The following ABCB4 variants were observed in gnomAD, a reference collection of about 807,000 sequenced individuals.
ABCB4 encodes the protein ATP binding cassette subfamily B member 4.
ABCB4 carries 76 observed loss-of-function variants against 145.7 expected under a neutral mutation model. That is an observed-to-expected ratio of 0.52 (90% CI 0.43 to 0.63). The LOEUF (loss-of-function observed/expected upper bound fraction) is 0.63. Ranked by LOEUF, ABCB4 falls within the 30% of genes least tolerant of loss-of-function variation. The pLI, the probability that ABCB4 is intolerant of heterozygous loss-of-function variation, is 0.00. For missense variants in ABCB4, 1,234 were observed against 1,553.1 expected, an observed-to-expected ratio of 0.79 and a Z score of 3.45; for synonymous variants, 517 against 566.8, an observed-to-expected ratio of 0.91 and a Z score of 1.25.
At chr7:87,405,661 G>A (rs1032930734) in intron 26 of ABCB4, among the ~76,000 whole-genome samples, 27 of 152,030 alleles carry the variant, frequency 1.8e-4, no homozygotes, top group Admixed American at 5.2e-4. Flanking sequence ...TCCTGACCTC[G>A]TAATCCACCC....
chr7:87,387,570 A>G, the ABCB4 span, among the ~76,000 whole-genome samples: 2 of 152,144 alleles, frequency 1.3e-5, no homozygotes, highest in Non-Finnish European at 2.9e-5. Flanking sequence ...TACCAATAAC[A>G]TAAACAATTA....
chr7:87,369,933 A>G, the ABCB4 span, among the ~76,000 whole-genome samples: 1 of 150,898 alleles, frequency 6.6e-6, no homozygotes. Flanking sequence ...AGGGGATTAT[A>G]TAATGATAAC....
In ABCB4 at chr7:87,416,742, C is replaced by T. The variant is rs183989639; in HGVS notation, c.2682+570G>A. ...AAATTGGGATAACAATAGTGCCTGC[C>T]TTATAGGATTATTGTGAAGATGTAA... On this transcript the variant is annotated intron_variant, in intron 21 of 27. Transcript: ENST00000649586. Among the ~76,000 whole-genome samples, 422 of 152,260 alleles carry T rather than the reference C, an allele frequency of 2.8e-3. 2 individuals are homozygous for T. Among genetic ancestry groups the T allele is most frequent in the Non-Finnish European group, 2.3e-3 (155 of 68,024 alleles).
the ABCB4 span, among the ~76,000 whole-genome samples, chr7:87,380,425 T>C: frequency 6.6e-6 from 1 of 152,274 alleles, no homozygotes; most frequent in African/African-American, 2.4e-5. Context: ...ATAAAAATCA[T>C]TTTTCACAGC....
intron 3 of ABCB4, among the ~76,000 whole-genome samples, chr7:87,465,571 A>C (rs1414955628): frequency 6.6e-6 from 1 of 152,194 alleles, no homozygotes; most frequent in Non-Finnish European, 1.5e-5. Context: ...CCAGCACAGC[A>C]TTTGAGATCT....
intron 25 of ABCB4, 143 bp from the exon 26 acceptor site, chr7:87,406,637 G>A: frequency 1.1e-6 from 1 of 869,998 alleles, no homozygotes; most frequent in South Asian, 1.6e-5. Context: ...TTATACCATT[G>A]AGGCCAGCAT....
chr7:87,409,144 A>G, intron 24 of ABCB4, 92 bp downstream of exon 24: 1 of 1,430,886 alleles, frequency 7.0e-7, no homozygotes, highest in East Asian at 2.3e-5. Flanking sequence ...TGTTGGTGTA[A>G]TCATCACAAA....
intron 7 of ABCB4, among the ~76,000 whole-genome samples, 155 bp from the exon 8 acceptor site, chr7:87,450,247 G>A (rs1280415624): frequency 6.6e-6 from 1 of 152,096 alleles, no homozygotes; most frequent in Non-Finnish European, 1.5e-5. Flanking sequence ...TCCAATGGCT[G>A]CGTCCACATC....
chr7:87,431,126 C>T lies in ABCB4; in HGVS notation c.1893+278G>A, dbSNP rs45518541. 0.04 allele frequency among the ~76,000 whole-genome samples: 6,136 copies of T among 152,192 alleles called. 402 individuals are homozygous for T. The highest frequency in any genetic ancestry group is 0.14 in the African/African-American group (5,685 of 41,500). On this transcript the variant is annotated intron_variant, in intron 15 of 27. Transcript: ENST00000649586. ...CTCTGACTCCCAAAACTCTGACCAT[C>T]CCATTATGGTAGAAAGGACCTTTTA...
chr7:87,461,952 T>G (rs1358685953), intron 4 of ABCB4, among the ~76,000 whole-genome samples: 1 of 152,224 alleles, frequency 6.6e-6, no homozygotes, highest in Non-Finnish European at 1.5e-5. Flanking sequence ...ACCAGTGTTT[T>G]GAAAATATTC....
chr7:87,410,246 A>G (rs1232181065), intron 23 of ABCB4, among the ~76,000 whole-genome samples: 1 of 152,214 alleles, frequency 6.6e-6, no homozygotes, highest in African/African-American at 2.4e-5. Context: ...TGATACCAGC[A>G]CTACCCCAGA....
chr7:87,430,552 T>TCTCG (rs1310848185), intron 15 of ABCB4, among the ~76,000 whole-genome samples: 4 of 152,034 alleles, frequency 2.6e-5, no homozygotes, highest in African/African-American at 9.7e-5. Flanking sequence ...TGAGACAGAG[T>TCTCG]CTCGCTCTGT....
In ABCB4 at chr7:87,447,159, CT is replaced by C. The variant is rs1326932143; in HGVS notation, c.879del (p.Ala294LeufsTer14). 1 of 1,613,818 alleles carries C rather than the reference CT, an allele frequency of 6.2e-7. No individual in the cohort carries two copies. The highest frequency in any genetic ancestry group is 8.5e-7 in the Non-Finnish European group (1 of 1,179,944). On this transcript the variant is annotated frameshift_variant, in exon 9 of 28. Transcript: ENST00000649586. LOFTEE classifies it high-confidence loss of function. ...LENAKEIGIK[K>X]AISANISMGI... Reference sequence around the variant, plus strand: ...CCCATGGAAATGTTTGCTGAAATAGCTTTTTTAATTCCAATCTCTTTGGCAT... The same window carrying C: ...CCCATGGAAATGTTTGCTGAAATAGCTTTTTAATTCCAATCTCTTTGGCAT...
In ABCB4 at chr7:87,436,593, T is replaced by C. The variant is rs45464493; in HGVS notation, c.1731+3074A>G. 1.2e-4 allele frequency among the ~76,000 whole-genome samples: 18 copies of C among 152,196 alleles called. No individual in the cohort carries two copies. In the East Asian group the frequency reaches 2.3e-3, roughly 20 times the overall value. On this transcript the variant is annotated intron_variant, in intron 14 of 27. Coordinates refer to ENST00000649586, the MANE Select transcript of ABCB4 (RefSeq NM_000443.4). ...GCAAAGAAATCCACTCAGCTGCAGATACAGATCATTTCTTATGAAAAAGGA... is the reference window on the plus strand; with the variant it reads ...GCAAAGAAATCCACTCAGCTGCAGACACAGATCATTTCTTATGAAAAAGGA...
chr7:87,442,279 T>C (rs1271017849), intron 12 of ABCB4, among the ~76,000 whole-genome samples: 3 of 152,064 alleles, frequency 2.0e-5, no homozygotes, highest in African/African-American at 7.2e-5. Context: ...TAATATTAAT[T>C]TTATTAAATT....
chr7:87,382,163 A>G, the ABCB4 span: 2 of 1,611,266 alleles, frequency 1.2e-6, no homozygotes, highest in African/African-American at 2.7e-5. Context: ...ACCAAGCTAA[A>G]GCCCAGTATC....
chr7:87,379,683 A>T, the ABCB4 span, among the ~76,000 whole-genome samples: 1 of 152,226 alleles, frequency 6.6e-6, no homozygotes, highest in Non-Finnish European at 1.5e-5. Context: ...TGTGTGCATT[A>T]ACATGCATAT....
intron 4 of ABCB4, among the ~76,000 whole-genome samples, chr7:87,456,108 T>C (rs1017083041): frequency 2.0e-5 from 3 of 152,202 alleles, no homozygotes; most frequent in Admixed American, 1.3e-4. Flanking sequence ...ATAGGGCAAA[T>C]TGGAAGAGTA....
intron 16 of ABCB4, 108 bp downstream of exon 16, chr7:87,426,642 C>A (rs1232685941): frequency 2.7e-6 from 3 of 1,112,284 alleles, no homozygotes; most frequent in Non-Finnish European, 4.0e-6. Flanking sequence ...GAGTATGGCT[C>A]ATAGTAGCAG....
Sources: gnomAD v4.1 joint callset for allele counts (sites outside exome capture counted in the v4.1 genomes callset) on GRCh38, gnomAD v4.1.1 for gene constraint, MANE v1.5 for transcripts, NCBI Gene and HGNC (gene_info 2026-07-23, HGNC 2026-07-21) for gene names.